The following NUP54 variants were observed in gnomAD, a reference collection of about 807,000 sequenced individuals.
The protein encoded by NUP54 is nucleoporin p54.
Under a neutral mutation model 66.4 loss-of-function variants are expected in NUP54, and 27 were observed. That is an observed-to-expected ratio of 0.41 (90% CI 0.30 to 0.56). The LOEUF is 0.56. Among genes scored for constraint, NUP54 ranks in the 20% least tolerant of loss-of-function variants. The pLI, the probability that NUP54 is intolerant of heterozygous loss-of-function variation, is 0.34. For synonymous variants in NUP54, 206 were observed against 210.7 expected (o/e 0.98, Z 0.19); for missense variants, 486 against 596.3 (o/e 0.82, Z 1.93).
chr4:76,148,311 CG>C lies in NUP54; in HGVS notation c.63del (p.Ala22ArgfsTer56). The C allele has an allele frequency of 6.0e-6, 9 of 1,508,268 alleles. No homozygotes were observed. Among genetic ancestry groups the C allele is most frequent in the Admixed American group, 4.3e-5 (2 of 46,212 alleles). 93.4% of individuals were successfully genotyped at this position (1,508,268 alleles called of 1,614,324 possible). A position where few individuals can be genotyped will look rare whatever the true frequency, so the allele number is the denominator to read the frequency against. On this transcript the variant is annotated frameshift_variant, in exon 1 of 12. Transcript: ENST00000264883. LOFTEE classifies it high-confidence loss of function. ...TSGTAAATAA[P>X]AGGFGGFGTT... ...AAGGTCTAGGGGGATCACTCACCCG[CG>C]GGGGCCGCGGTGGCTGCAGCGGTAC... is the stretch of plus-strand genomic sequence containing the variant.
chr4:76,118,010 C>T lies in NUP54; in HGVS notation c.1284+65G>A, dbSNP rs1730030275. The T allele has an allele frequency of 4.6e-6, 7 of 1,526,656 alleles. No individual in the cohort carries two copies. In the Admixed American group the frequency reaches 1.1e-4, roughly 24 times the overall value. 94.6% of individuals were successfully genotyped at this position (1,526,656 alleles called of 1,614,324 possible). On this transcript the variant is annotated intron_variant, in intron 10 of 11. Coordinates refer to ENST00000264883, the MANE Select transcript of NUP54 (RefSeq NM_017426.4). ...ATACAAAATTCCTGCTTGAAGATTACATAACTTTTTGTCTGCAGATCCACC... is the reference window on the plus strand; with the variant it reads ...ATACAAAATTCCTGCTTGAAGATTATATAACTTTTTGTCTGCAGATCCACC...
At chr4:76,146,239 T>C (rs774075240) in intron 1 of NUP54, 47 of 234,656 alleles carry the variant, frequency 2.0e-4, no homozygotes, top group Non-Finnish European at 4.0e-4. Context: ...ACTCAAAACT[T>C]AACAGTGATA....
At chr4:76,143,084 A>G (rs1731332393) in intron 3 of NUP54, among the ~76,000 whole-genome samples, 1 of 152,196 alleles carries the variant, frequency 6.6e-6, no homozygotes, top group Non-Finnish European at 1.5e-5. Context: ...CACTCAAAAA[A>G]AAAAGATATT....
intron 8 of NUP54, 24 bp from the exon 9 acceptor site, chr4:76,124,780 GGGA>G: frequency 1.7e-6 from 1 of 589,150 alleles, no homozygotes; most frequent in Non-Finnish European, 3.0e-6. Flanking sequence ...AATTGGGGGG[GGGA>G]GGGTTAATCA....
chr4:76,117,820 GTAAAA>G, intron 10 of NUP54, 46 bp from the exon 11 acceptor site: 1 of 1,436,674 alleles, frequency 7.0e-7, no homozygotes, highest in Non-Finnish European at 9.8e-7. Context: ...ACGAAGACTT[GTAAAA>G]GACAATGTTT....
chr4:76,127,432 C>CAAAAAAA (rs59383944), intron 8 of NUP54, among the ~76,000 whole-genome samples: 1,106 of 54,672 alleles, frequency 0.02, 89 homozygotes, highest in African/African-American at 0.067. Context: ...ACCCCCATCT[C>CAAAAAAA]AAAAAAAAAA....
At chr4:76,132,203 A>C (rs1250278835) in intron 6 of NUP54, 1 of 173,196 alleles carries the variant, frequency 5.8e-6, no homozygotes, top group East Asian at 1.5e-4. Context: ...TTTTACTTGA[A>C]TATTCAGTTA....
chr4:76,119,325 G>A (rs1426126932), intron 9 of NUP54, among the ~76,000 whole-genome samples: 1 of 152,018 alleles, frequency 6.6e-6, no homozygotes, highest in African/African-American at 2.4e-5. Context: ...CACACACACA[G>A]ATCCAAAATA....
intron 11 of NUP54, among the ~76,000 whole-genome samples, chr4:76,116,629 A>G (rs7675107): frequency 0.14 from 20,628 of 152,230 alleles, 1,604 homozygotes; most frequent in East Asian, 0.35. Context: ...CTTAGGGGAC[A>G]GATCAATAAC....
intron 6 of NUP54, 181 bp downstream of exon 6, chr4:76,132,342 G>C: frequency 2.4e-6 from 1 of 410,150 alleles, no homozygotes. Context: ...ATACATATTA[G>C]CTATATAATA....
chr4:76,148,218 C>T (rs1173055466), intron 1 of NUP54, 90 bp downstream of exon 1: 2 of 973,534 alleles, frequency 2.1e-6, no homozygotes, highest in Non-Finnish European at 2.7e-6. Flanking sequence ...CGGGAGATTC[C>T]AGGATCCCCA....
intron 6 of NUP54, 68 bp downstream of exon 6, chr4:76,132,455 T>G: frequency 8.1e-7 from 1 of 1,233,802 alleles, no homozygotes; most frequent in Non-Finnish European, 1.1e-6. Flanking sequence ...CCAACACCTC[T>G]GAAATACGGG....
At chr4:76,135,400 T>C (rs1373769137) in intron 4 of NUP54, among the ~76,000 whole-genome samples, 2 of 152,264 alleles carry the variant, frequency 1.3e-5, no homozygotes, top group African/African-American at 4.8e-5. Flanking sequence ...ATTCAACTTA[T>C]GTCTATTATT....
chr4:76,144,499 A>G, intron 1 of NUP54, 26 bp from the exon 2 acceptor site: 2 of 1,541,052 alleles, frequency 1.3e-6, no homozygotes, highest in Non-Finnish European at 1.8e-6. Context: ...CAAAAATAGA[A>G]AGGAAGAATC....
At chr4:76,148,246 C>A (rs1731598294) in intron 1 of NUP54, 62 bp downstream of exon 1, 1 of 1,141,980 alleles carries the variant, frequency 8.8e-7, no homozygotes, top group Non-Finnish European at 1.1e-6. Flanking sequence ...GAGTCTCGGA[C>A]AGAGGGGGCG....
chr4:76,147,538 A>G, intron 1 of NUP54: 1 of 1,289,776 alleles, frequency 7.8e-7, no homozygotes, highest in South Asian at 1.2e-5. Flanking sequence ...AGAAACACCG[A>G]AATTCCCAAT....
At position 76,118,105 on chromosome 4, in the gene NUP54, C is replaced by T; in HGVS notation, c.1254G>A (p.Gln418=). 1 of 1,613,918 alleles carries T rather than the reference C, an allele frequency of 6.2e-7. No homozygotes were observed. Among genetic ancestry groups the T allele is most frequent in the African/African-American group, 1.3e-5 (1 of 75,048 alleles). The part of the protein sequence containing the change: ...EQLRVQLDTI[Q]GELNAPTQFK... Reference sequence around the variant, plus strand: ...ACTGAGTAGGTGCATTTAGTTCACCCTGAATCGTATCCAGCTGAACTCGCA... The same window carrying T: ...ACTGAGTAGGTGCATTTAGTTCACCTTGAATCGTATCCAGCTGAACTCGCA... The change falls in exon 10 of 12, where the codon CAG becomes CAA. Residue 418 remains glutamine, a synonymous_variant. Coordinates refer to ENST00000264883, the MANE Select transcript of NUP54 (RefSeq NM_017426.4).
intron 9 of NUP54, among the ~76,000 whole-genome samples, chr4:76,119,716 AAGGGTCTAAAGC>A (rs1197132800): frequency 2.0e-5 from 3 of 151,936 alleles, no homozygotes; most frequent in Non-Finnish European, 4.4e-5. Context: ...CATCGGGGGA[AAGGGTCTAAAGC>A]AGTGGCCTCT....
At chr4:76,145,019 T>G (rs1452019491) in intron 1 of NUP54, among the ~76,000 whole-genome samples, 1 of 152,186 alleles carries the variant, frequency 6.6e-6, no homozygotes, top group African/African-American at 2.4e-5. Context: ...ATTTTCTATG[T>G]AAAATTTATT....
Sources: gnomAD v4.1 joint callset for allele counts (sites outside exome capture counted in the v4.1 genomes callset) on GRCh38, gnomAD v4.1.1 for gene constraint, MANE v1.5 for transcripts, NCBI Gene and HGNC (gene_info 2026-07-23, HGNC 2026-07-21) for gene names.